SOX6: variants seen among roughly 807,000 people sequenced by gnomAD.
The protein encoded by SOX6 is transcription factor SOX-6.
Under a neutral mutation model 97.8 loss-of-function variants are expected in SOX6, and 11 were observed. The observed-to-expected ratio is 0.11, with a 90% CI of 0.07 to 0.19. The LOEUF is 0.19. SOX6 is among the 10% of genes least tolerant of loss of function. SOX6 has a pLI of 1.00. For missense variants in SOX6, 810 were observed against 1,039.5 expected (o/e 0.78, Z 3.04); for synonymous variants, 360 against 371.4 (o/e 0.97, Z 0.35).
intron 15 of SOX6, among the ~76,000 whole-genome samples, chr11:15,985,539 C>A (rs1005924564): frequency 6.6e-6 from 1 of 152,132 alleles, no homozygotes; most frequent in Non-Finnish European, 1.5e-5. Flanking sequence ...TTATGAGGGG[C>A]CTCTTTTGAA....
chr11:16,260,191 G>A (rs1010741156), intron 3 of SOX6, among the ~76,000 whole-genome samples: 5 of 151,742 alleles, frequency 3.3e-5, no homozygotes, highest in African/African-American at 4.8e-5. Context: ...TAGTAGAGAC[G>A]GGGTTTCACC....
intron 1 of SOX6, among the ~76,000 whole-genome samples, chr11:16,377,576 G>A (rs1420242465): frequency 6.6e-6 from 1 of 151,994 alleles, no homozygotes; most frequent in Non-Finnish European, 1.5e-5. Flanking sequence ...ATTTAAGATG[G>A]AAAAAAACAT....
intron 3 of SOX6, among the ~76,000 whole-genome samples, chr11:16,305,739 A>G (rs1248057250): frequency 6.6e-6 from 1 of 152,178 alleles, no homozygotes; most frequent in East Asian, 1.9e-4. Context: ...TTAAGTATGA[A>G]CTTCTTAAAA....
At chr11:16,130,560 CAGCA>C (rs1207503512) in intron 6 of SOX6, among the ~76,000 whole-genome samples, 4 of 151,808 alleles carry the variant, frequency 2.6e-5, no homozygotes, top group Admixed American at 1.3e-4. Context: ...AGTGTTAAGA[CAGCA>C]AGTCTCCTCA....
At chr11:16,688,573 C>T (rs1358529040) in intron 3 of SOX6, among the ~76,000 whole-genome samples, 1 of 152,130 alleles carries the variant, frequency 6.6e-6, no homozygotes, top group African/African-American at 2.4e-5. Flanking sequence ...ATCCAGTGGA[C>T]TTTTTGAAAT....
chr11:16,567,169 T>C (rs1022314542), intron 4 of SOX6, among the ~76,000 whole-genome samples: 7 of 152,112 alleles, frequency 4.6e-5, no homozygotes, highest in African/African-American at 1.7e-4. Flanking sequence ...GATGGCAGAG[T>C]GAAAATGTGT....
chr11:16,391,152 TGGACATGGGGA>T (rs1858168581), intron 1 of SOX6, among the ~76,000 whole-genome samples: 1 of 152,012 alleles, frequency 6.6e-6, no homozygotes, highest in Admixed American at 6.5e-5. Context: ...TAAGAACACA[TGGACATGGGGA>T]GGGGAACATC....
chr11:16,577,130 G>T (rs1008073690), intron 4 of SOX6: 1 of 152,036 alleles, frequency 6.6e-6, no homozygotes, highest in Admixed American at 6.6e-5. Context: ...AAGGAAGAAA[G>T]GAATTGAAGG....
rs998456025 is a variant in SOX6 at position 16,605,780 on chromosome 11, C to A, written n.609+6301G>T. The A allele has an allele frequency of 1.3e-5, 2 of 152,214 alleles. No individual in the cohort carries two copies. Among genetic ancestry groups the A allele is most frequent in the African/African-American group, 4.8e-5 (2 of 41,426 alleles). The allele number at this position is 152,214 out of a possible 1,614,324, so 9.4% of individuals were successfully genotyped here. A position where few individuals can be genotyped will look rare whatever the true frequency, so the allele number is the denominator to read the frequency against. On this transcript the variant is annotated intron_variant and non_coding_transcript_variant, in intron 4 of 5. Transcript: ENST00000524520. The surrounding 1 kb of genome is among the most constrained non-coding windows in gnomAD (Gnocchi z 5.3). ...AGCCCAGAAGCTCAGCGGGTCCTCC[C>A]GACCTCCCGCACCCAGAGCCTGGGT...
intron 3 of SOX6, among the ~76,000 whole-genome samples, chr11:16,287,301 C>CAG (rs1217756559): frequency 6.7e-6 from 1 of 148,774 alleles, no homozygotes; most frequent in Admixed American, 6.8e-5. Flanking sequence ...CTCTCTCTCA[C>CAG]ACACACACAC....
At chr11:16,292,480 A>AG (rs1015738559) in intron 3 of SOX6, among the ~76,000 whole-genome samples, 24 of 152,082 alleles carry the variant, frequency 1.6e-4, no homozygotes. Context: ...CTTAACCCCT[A>AG]GGTCCAATCA....
intron 4 of SOX6, among the ~76,000 whole-genome samples, chr11:16,232,120 G>C (rs993941154): frequency 1.3e-5 from 2 of 151,712 alleles, no homozygotes; most frequent in Admixed American, 6.6e-5. Context: ...ACCCATGATT[G>C]TATGTATTCC....
chr11:16,624,466 G>A (rs1002419641), intron 3 of SOX6, among the ~76,000 whole-genome samples: 3 of 152,040 alleles, frequency 2.0e-5, no homozygotes, highest in Admixed American at 6.6e-5. Flanking sequence ...ATGAGCCACC[G>A]TGCCCGGCCC....
chr11:16,152,702 C>T (rs1476868778), intron 6 of SOX6, among the ~76,000 whole-genome samples: 1 of 151,978 alleles, frequency 6.6e-6, no homozygotes, highest in Non-Finnish European at 1.5e-5. Context: ...GAGAGACTCA[C>T]ATACATTCTC....
At chr11:15,975,644 A>G (rs1853455231) in intron 15 of SOX6, among the ~76,000 whole-genome samples, 1 of 152,200 alleles carries the variant, frequency 6.6e-6, no homozygotes, top group Non-Finnish European at 1.5e-5. Flanking sequence ...GAATCCTCAT[A>G]ATAAGCCTGA....
chr11:16,207,855 C>T (rs1238723666), intron 4 of SOX6, among the ~76,000 whole-genome samples: 2 of 151,936 alleles, frequency 1.3e-5, no homozygotes, highest in African/African-American at 4.8e-5. Flanking sequence ...CAGTGATTGT[C>T]TGTGGGCTGT....
chr11:16,032,074 C>A (rs1370904184), intron 12 of SOX6, among the ~76,000 whole-genome samples: 1 of 152,078 alleles, frequency 6.6e-6, no homozygotes, highest in African/African-American at 2.4e-5. Flanking sequence ...AAATTTTCAT[C>A]TCCGTAAGAG....
chr11:16,077,045 G>A (rs539979078), intron 9 of SOX6, among the ~76,000 whole-genome samples: 1 of 152,124 alleles, frequency 6.6e-6, no homozygotes, highest in Middle Eastern at 3.4e-3. Flanking sequence ...GAGCCACCGC[G>A]CCCGGCCGGT....
intron 1 of SOX6, among the ~76,000 whole-genome samples, chr11:16,369,953 A>C (rs1192086856): frequency 6.6e-6 from 1 of 152,100 alleles, no homozygotes; most frequent in African/African-American, 2.4e-5. Flanking sequence ...TGGCTGCACC[A>C]TTTATGTTTC....
Sources: gnomAD v4.1 joint callset for allele counts (sites outside exome capture counted in the v4.1 genomes callset) on GRCh38, gnomAD v4.1.1 for gene constraint, Gnocchi (gnomAD v3.1) non-coding constraint, MANE v1.5 for transcripts, NCBI Gene and HGNC (gene_info 2026-07-23, HGNC 2026-07-21) for gene names.